The following TENM2 variants were observed in gnomAD, a reference collection of about 807,000 sequenced individuals.
TENM2 encodes the protein teneurin-2.
TENM2 carries 52 observed loss-of-function variants against 245.2 expected under a neutral mutation model. The observed-to-expected ratio is 0.21, with a 90% CI of 0.17 to 0.27. The LOEUF (loss-of-function observed/expected upper bound fraction) is 0.27, where lower values mean the gene tolerates loss of function less well. Among genes scored for constraint, TENM2 ranks in the 10% least tolerant of loss-of-function variants. TENM2 has a pLI of 1.00. For synonymous variants in TENM2, 1,363 were observed against 1,438.9 expected, an observed-to-expected ratio of 0.95 and a Z score of 1.19; for missense variants, 3,046 against 3,666.8, an observed-to-expected ratio of 0.83 and a Z score of 4.37.
At chr5:167,301,471 C>T (rs981341482) in intron 1 of TENM2, among the ~76,000 whole-genome samples, 2 of 152,166 alleles carry the variant, frequency 1.3e-5, no homozygotes, top group Non-Finnish European at 2.9e-5. Context: ...CAAGGAATTG[C>T]AACTCAGAAA....
chr5:168,167,333 G>A (rs547980629), intron 13 of TENM2, among the ~76,000 whole-genome samples: 15 of 152,108 alleles, frequency 9.9e-5, no homozygotes, highest in Non-Finnish European at 1.3e-4. Context: ...GGCGTTGTTA[G>A]ACTGTCTGGC....
chr5:167,409,763 G>A (rs1260774232), intron 2 of TENM2, among the ~76,000 whole-genome samples: 1 of 151,938 alleles, frequency 6.6e-6, no homozygotes, highest in Non-Finnish European at 1.5e-5. Flanking sequence ...AGGTAGGGGT[G>A]TGTGTGTTTG....
At chr5:167,119,071 C>T in the TENM2 span, among the ~76,000 whole-genome samples, 2 of 152,236 alleles carry the variant, frequency 1.3e-5, no homozygotes, top group African/African-American at 4.8e-5. Flanking sequence ...TCCCTGTGAA[C>T]TGTGTCACCC....
exon 29 of TENM2, chr5:168,262,559 A>G (rs1562353546): frequency 9.0e-6 from 14 of 1,560,590 alleles, no homozygotes; most frequent in Non-Finnish European, 1.1e-5. Context: ...GGACGAAGAG[A>G]AGGCCCGCGT....
At chr5:168,204,718 G>A (rs1366490532) in intron 19 of TENM2, 97 bp downstream of exon 21, 2 of 1,474,106 alleles carry the variant, frequency 1.4e-6, no homozygotes, top group Non-Finnish European at 1.8e-6. Context: ...ATTCTCCAGA[G>A]AAGATATAGT....
chr5:167,488,919 A>C (rs775503838), intron 2 of TENM2, among the ~76,000 whole-genome samples: 1 of 152,152 alleles, frequency 6.6e-6, no homozygotes, highest in South Asian at 2.1e-4. Flanking sequence ...TGTCAGGTCA[A>C]ATTCTTAGAG....
chr5:168,262,563 C>T, exon 29 of TENM2: 3 of 1,561,618 alleles, frequency 1.9e-6, no homozygotes, highest in East Asian at 2.4e-5. Flanking sequence ...GAAGAGAAGG[C>T]CCGCGTCCTG....
intron 2 of TENM2, among the ~76,000 whole-genome samples, chr5:167,437,526 G>A (rs1388900283): frequency 6.6e-6 from 1 of 152,082 alleles, no homozygotes; most frequent in Non-Finnish European, 1.5e-5. Context: ...AGATTTTGGG[G>A]GACTGTTGGG....
chr5:167,965,544 T>C (rs1351525002), intron 4 of TENM2: 15 of 151,878 alleles, frequency 9.9e-5, no homozygotes, highest in African/African-American at 3.6e-4. Context: ...ATCACACCCC[T>C]GCGCTCCATC....
At chr5:168,049,417 G>A (rs188862290) in intron 6 of TENM2, among the ~76,000 whole-genome samples, 1 of 152,298 alleles carries the variant, frequency 6.6e-6, no homozygotes, top group East Asian at 1.9e-4. Flanking sequence ...CAGAGAAATT[G>A]TTTATATGTG....
intron 1 of TENM2, among the ~76,000 whole-genome samples, chr5:167,366,389 C>G (rs559512581): frequency 1.3e-5 from 2 of 152,076 alleles, no homozygotes; most frequent in South Asian, 4.2e-4. Context: ...AAGTTTCTTC[C>G]TCTGTAGACT....
intron 13 of TENM2, among the ~76,000 whole-genome samples, chr5:168,174,693 C>A (rs1444971767): frequency 6.6e-6 from 1 of 152,176 alleles, no homozygotes; most frequent in Non-Finnish European, 1.5e-5. Context: ...AGCGTGTCAG[C>A]CCTGGGCCAG....
the TENM2 span, among the ~76,000 whole-genome samples, chr5:166,987,059 A>G: frequency 2.6e-5 from 4 of 152,306 alleles, no homozygotes; most frequent in Non-Finnish European, 5.9e-5. Flanking sequence ...TTCCTACAGC[A>G]GTGATTTTTC....
chr5:167,907,657 C>G (rs1301159253), intron 3 of TENM2, among the ~76,000 whole-genome samples: 1 of 148,366 alleles, frequency 6.7e-6, no homozygotes, highest in Non-Finnish European at 1.5e-5. Flanking sequence ...AGTCCCAACA[C>G]TTTGGGAACC....
At chr5:167,990,682 G>A (rs755217819) in intron 4 of TENM2, among the ~76,000 whole-genome samples, 4 of 152,234 alleles carry the variant, frequency 2.6e-5, no homozygotes, top group Admixed American at 2.0e-4. Context: ...AAGAGCCATT[G>A]GACAAGGAGT....
rs1763387763 is a variant in TENM2 at position 168,218,418 on chromosome 5, G to T, written c.4527G>T (p.Glu1509Asp). Residue 1509 changes from glutamate to aspartate, a missense_variant, in exon 23 of 29, where the codon GAG becomes GAT. Physicochemically the swap from Glu to Asp is conservative, Grantham distance 45. This residue lies in a region of TENM2 where 2,704 missense variants were observed against 3,331.9 expected (regional missense o/e 0.81). Transcript: ENST00000518659. The surrounding 1 kb of genome is among the most constrained non-coding windows in gnomAD (Gnocchi z 5.2). ...TACGCCAGGTAACAACCAACGGGGA[G>T]ATCTGCCTTTTAGCTGGGGCAGCCT... The T allele has an allele frequency of 6.2e-7, 1 of 1,613,950 alleles. No homozygotes were observed. The highest frequency in any genetic ancestry group is 1.1e-5 in the South Asian group (1 of 91,086).
intron 2 of TENM2, among the ~76,000 whole-genome samples, chr5:167,739,792 C>G (rs1761048979): frequency 6.6e-6 from 1 of 152,212 alleles, no homozygotes. Context: ...GTTTCCCATT[C>G]TTCCCCGTTT....
the TENM2 span, among the ~76,000 whole-genome samples, chr5:167,171,214 T>A: frequency 6.6e-6 from 1 of 152,140 alleles, no homozygotes; most frequent in African/African-American, 2.4e-5. Flanking sequence ...GCCTTGAAAA[T>A]CCCAAATGAA....
At chr5:167,275,185 G>T in the TENM2 span, among the ~76,000 whole-genome samples, 1 of 151,984 alleles carries the variant, frequency 6.6e-6, no homozygotes, top group South Asian at 2.1e-4. Flanking sequence ...AGCTGTGTGG[G>T]TATGTACCTG....
Sources: allele counts gnomAD v4.1 joint callset (sites outside exome capture counted in the v4.1 genomes callset), GRCh38; gene constraint gnomAD v4.1.1; regional missense constraint gnomAD v4.1.1; non-coding constraint Gnocchi (gnomAD v3.1); transcripts MANE v1.5; gene names NCBI Gene and HGNC (gene_info 2026-07-23, HGNC 2026-07-21).